The following CAST variants were observed in gnomAD, a reference collection of about 807,000 sequenced individuals.
CAST encodes MIR583 host.
A neutral mutation model predicts 119.6 loss-of-function variants in CAST; 76 were observed. The ratio of observed to expected loss-of-function variants is 0.64; its 90% CI spans 0.53 to 0.77. The LOEUF is 0.77. Ranked by LOEUF, CAST falls within the 30% of genes least tolerant of loss-of-function variation. The pLI is 0.00. For missense variants in CAST, 953 were observed against 946.5 expected, an observed-to-expected ratio of 1.01 and a Z score of -0.09; for synonymous variants, 319 against 331.6, an observed-to-expected ratio of 0.96 and a Z score of 0.41.
At chr5:96,328,382 C>CTCTCTCTCT in the CAST span, among the ~76,000 whole-genome samples, 92 of 18,928 alleles carry the variant, frequency 4.9e-3, 17 homozygotes, top group Non-Finnish European at 6.3e-3. Context: ...CTTCTCTCTC[C>CTCTCTCTCT]CTCTCTCTCT....
At chr5:96,319,338 A>G in the CAST span, among the ~76,000 whole-genome samples, 3 of 152,226 alleles carry the variant, frequency 2.0e-5, no homozygotes, top group Non-Finnish European at 4.4e-5. Flanking sequence ...GAGGGGATGC[A>G]CATCCAAACC....
In CAST at chr5:96,774,203, T is replaced by TGACA. The variant is rs1222556225; in HGVS notation, c.*1590_*1593dup. On this transcript the variant is annotated 3_prime_UTR_variant, in exon 32 of 32. Coordinates refer to ENST00000675179, the MANE Select transcript of CAST (RefSeq NM_001750.7). ...AGAAAAACCTTGAAACCTTTGACAC[T>TGACA]GACAGATGTGTTTGCAAGGATACGG... 3.2e-5 allele frequency: 5 copies of TGACA among 154,138 alleles called. No homozygotes were observed. The highest frequency in any genetic ancestry group is 1.2e-4 in the African/African-American group (5 of 41,592). 9.5% of individuals were successfully genotyped at this position (154,138 alleles called of 1,614,324 possible).
At chr5:96,772,266 A>T (rs1050314733) in intron 31 of CAST, 2 of 153,666 alleles carry the variant, frequency 1.3e-5, no homozygotes, top group African/African-American at 4.8e-5. Context: ...GATTGAAGGG[A>T]TTTCTGAGAT....
At chr5:96,208,010 T>C in the CAST span, among the ~76,000 whole-genome samples, 1 of 152,184 alleles carries the variant, frequency 6.6e-6, no homozygotes, top group East Asian at 1.9e-4. Context: ...AATTGCTTCC[T>C]GGTTCAGTTT....
At chr5:96,208,696 T>C in the CAST span, among the ~76,000 whole-genome samples, 1 of 151,930 alleles carries the variant, frequency 6.6e-6, no homozygotes, top group Non-Finnish European at 1.5e-5. Flanking sequence ...AGAGTGTGTT[T>C]GGTATGATTT....
chr5:96,043,767 G>A, the CAST span, among the ~76,000 whole-genome samples: 1 of 152,148 alleles, frequency 6.6e-6, no homozygotes, highest in Non-Finnish European at 1.5e-5. Context: ...GGTCATAAAG[G>A]AAATAAAAGT....
chr5:96,689,813 T>C (rs1752513709), intron 2 of CAST, among the ~76,000 whole-genome samples: 1 of 152,258 alleles, frequency 6.6e-6, no homozygotes. Context: ...CCATAGACTT[T>C]CTTACTTCTA....
At chr5:96,501,301 T>TAGA in the CAST span, among the ~76,000 whole-genome samples, 4 of 152,180 alleles carry the variant, frequency 2.6e-5, no homozygotes, top group African/African-American at 9.7e-5. Context: ...ATTTAAAGAT[T>TAGA]AGAAGTATAG....
chr5:96,423,282 A>T, the CAST span: 2,885 of 1,589,038 alleles, frequency 1.8e-3, 62 homozygotes, highest in African/African-American at 0.035. Flanking sequence ...ACAGCTCCCT[A>T]AGTCACAGTC....
chr5:96,419,727 G>A, the CAST span, among the ~76,000 whole-genome samples: 1 of 151,816 alleles, frequency 6.6e-6, no homozygotes, highest in Non-Finnish European at 1.5e-5. Flanking sequence ...TATATGGGCT[G>A]CTTCCCTAGG....
the CAST span, among the ~76,000 whole-genome samples, chr5:96,406,956 C>T: frequency 3.9e-5 from 6 of 151,924 alleles, no homozygotes; most frequent in African/African-American, 1.5e-4. Flanking sequence ...AATTTTTTTC[C>T]TCTGTGTTAA....
chr5:96,555,380 AG>A (rs1746217381), intron 1 of CAST, among the ~76,000 whole-genome samples: 2 of 152,032 alleles, frequency 1.3e-5, no homozygotes, highest in South Asian at 4.1e-4. Flanking sequence ...CAGTGGGTGC[AG>A]GACAGTGGGT....
the CAST span, among the ~76,000 whole-genome samples, chr5:96,110,065 A>T: frequency 6.6e-6 from 1 of 152,220 alleles, no homozygotes; most frequent in Non-Finnish European, 1.5e-5. Context: ...GGCCCCTAGA[A>T]TAAAAAAGTT....
chr5:96,750,641 A>C lies in CAST; in HGVS notation c.1483A>C (p.Met495Leu), dbSNP rs1764817469. ...GTCGGAGGCTGTGTGTCGGACCTCC[A>C]TGTGTAGTATACAGTCAGCACCCCC... is the stretch of plus-strand genomic sequence containing the variant. ...PVSEAVCRTS[M>L]CSIQSAPPEP... The change falls in exon 20 of 32, where the codon ATG (methionine) becomes CTG (leucine). Residue 495 changes from methionine (M) to leucine (L), a missense_variant. Transcript: ENST00000675179. 17 of 1,613,464 alleles carry C rather than the reference A, an allele frequency of 1.1e-5. No individual in the cohort carries two copies. The East Asian group carries it at 3.8e-4, about 36-fold the overall frequency.
the CAST span, among the ~76,000 whole-genome samples, chr5:96,021,243 C>T: frequency 6.6e-6 from 1 of 152,094 alleles, no homozygotes; most frequent in Non-Finnish European, 1.5e-5. Context: ...TGTGTGCTTT[C>T]TGAAGTTCCT....
chr5:96,053,840 C>A, the CAST span, among the ~76,000 whole-genome samples: 3 of 152,186 alleles, frequency 2.0e-5, no homozygotes, highest in African/African-American at 7.2e-5. Context: ...TGGTTTTTGA[C>A]CACATACATA....
At chr5:96,060,904 G>A in the CAST span, among the ~76,000 whole-genome samples, 1 of 152,228 alleles carries the variant, frequency 6.6e-6, no homozygotes, top group Admixed American at 6.5e-5. Flanking sequence ...TGGATTTCTG[G>A]TGAAGGTGCT....
At chr5:95,968,958 G>A in the CAST span, among the ~76,000 whole-genome samples, 3 of 152,180 alleles carry the variant, frequency 2.0e-5, no homozygotes, top group Non-Finnish European at 4.4e-5. Flanking sequence ...GAGGAGTTAT[G>A]GATTGTGAGA....
At chr5:96,018,479 A>T in the CAST span, among the ~76,000 whole-genome samples, 8 of 152,168 alleles carry the variant, frequency 5.3e-5, no homozygotes, top group Non-Finnish European at 1.2e-4. Flanking sequence ...CATTTATTTC[A>T]TCCCTAGACA....
Sources: gnomAD v4.1 joint callset for allele counts (sites outside exome capture counted in the v4.1 genomes callset) on GRCh38, gnomAD v4.1.1 for gene constraint, MANE v1.5 for transcripts, NCBI Gene and HGNC (gene_info 2026-07-23, HGNC 2026-07-21) for gene names.